The following GPATCH8 variants were observed in gnomAD, a reference collection of about 807,000 sequenced individuals.
GPATCH8 encodes the protein G patch domain-containing protein 8.
GPATCH8 carries 18 observed loss-of-function variants against 118.3 expected under a neutral mutation model. The observed-to-expected ratio is 0.15, with a 90% CI of 0.11 to 0.23. GPATCH8 has a LOEUF of 0.23. Among genes scored for constraint, GPATCH8 ranks in the 10% least tolerant of loss-of-function variants. GPATCH8 has a pLI of 1.00. For synonymous variants in GPATCH8, 659 were observed against 684.7 expected (o/e 0.96, Z 0.59); for missense variants, 1,631 against 1,873.8 (o/e 0.87, Z 2.39).
chr17:44,453,857 T>C (rs897688603), intron 3 of GPATCH8, among the ~76,000 whole-genome samples: 1 of 151,988 alleles, frequency 6.6e-6, no homozygotes, highest in African/African-American at 2.4e-5. Context: ...AAACTATTCC[T>C]GGAGACCTAG....
intron 1 of GPATCH8, among the ~76,000 whole-genome samples, chr17:44,492,297 C>CA (rs760386945): frequency 0.025 from 1,918 of 76,230 alleles, 139 homozygotes; most frequent in African/African-American, 0.078. Context: ...TGAGACGTCT[C>CA]AAAAAAAAAA....
intron 1 of GPATCH8, among the ~76,000 whole-genome samples, chr17:44,489,720 C>T (rs1453509653): frequency 2.0e-5 from 3 of 152,102 alleles, no homozygotes; most frequent in African/African-American, 7.2e-5. Context: ...CCCAAGGGCA[C>T]AACTATAATA....
chr17:44,470,666 C>A (rs998226469), intron 2 of GPATCH8, among the ~76,000 whole-genome samples: 1 of 152,146 alleles, frequency 6.6e-6, no homozygotes, highest in Non-Finnish European at 1.5e-5. Context: ...TGTGCCACCA[C>A]GTCTGGCTAC....
chr17:44,438,033 T>C (rs1362957156), intron 3 of GPATCH8, among the ~76,000 whole-genome samples: 2 of 148,618 alleles, frequency 1.3e-5, no homozygotes, highest in African/African-American at 5.0e-5. Context: ...AAAATGAAAA[T>C]GCATTACTAC....
At chr17:44,458,257 A>G (rs77228831) in intron 3 of GPATCH8, among the ~76,000 whole-genome samples, 17 of 133,472 alleles carry the variant, frequency 1.3e-4, no homozygotes, top group Admixed American at 1.3e-3. Flanking sequence ...TCTCAAAGGA[A>G]AAAAAAAAAA....
chr17:44,468,403 T>G (rs1414946138), intron 2 of GPATCH8, among the ~76,000 whole-genome samples: 5 of 67,444 alleles, frequency 7.4e-5, no homozygotes, highest in Admixed American at 1.7e-4. Context: ...TTTTTTTTTT[T>G]GTGAGACAGG....
chr17:44,439,772 A>G (rs1236451395), intron 3 of GPATCH8, among the ~76,000 whole-genome samples: 1 of 151,890 alleles, frequency 6.6e-6, no homozygotes, highest in East Asian at 1.9e-4. Context: ...TGTATTCTCT[A>G]GAAAACTCAA....
At chr17:44,477,309 C>G (rs1350850915) in intron 1 of GPATCH8, among the ~76,000 whole-genome samples, 2 of 152,140 alleles carry the variant, frequency 1.3e-5, no homozygotes. Context: ...CAATTAGGTG[C>G]TAAAATTGTG....
chr17:44,440,372 C>T (rs1360492156), intron 3 of GPATCH8, among the ~76,000 whole-genome samples: 1 of 152,142 alleles, frequency 6.6e-6, no homozygotes, highest in Non-Finnish European at 1.5e-5. Context: ...ACAACTGATA[C>T]TCATATTTTC....
chr17:44,489,763 G>A (rs1440825992), intron 1 of GPATCH8, among the ~76,000 whole-genome samples: 1 of 152,106 alleles, frequency 6.6e-6, no homozygotes, highest in South Asian at 2.1e-4. Flanking sequence ...TGATAGTAGT[G>A]GTGATATTTT....
intron 3 of GPATCH8, among the ~76,000 whole-genome samples, chr17:44,462,608 CAT>C (rs2051597591): frequency 6.6e-6 from 1 of 152,162 alleles, no homozygotes; most frequent in African/African-American, 2.4e-5. Context: ...TTCATTAAAA[CAT>C]ATTTATTGAG....
chr17:44,458,788 T>C (rs912012367), intron 3 of GPATCH8, among the ~76,000 whole-genome samples: 2 of 152,224 alleles, frequency 1.3e-5, no homozygotes, highest in African/African-American at 4.8e-5. Flanking sequence ...CCTCCCAAAG[T>C]CCTGGGATTA....
rs118151586 is a variant in GPATCH8 at position 44,399,208 on chromosome 17, G to A, written c.2869C>T (p.Arg957Trp). 1.6e-3 allele frequency: 2,650 copies of A among 1,613,776 alleles called. 8 individuals are homozygous for A. Among genetic ancestry groups the A allele is most frequent in the Middle Eastern group, 4.8e-3 (29 of 6,062 alleles). ...RSHTRERSRS[R>W]GRSRSSSCSR... Reference sequence around the variant, plus strand: ...CAACTGCTGCTGCGGCTGCGGCCCCGGGATCTTGAGCGCTCTCTGGTATGA... The same window carrying A: ...CAACTGCTGCTGCGGCTGCGGCCCCAGGATCTTGAGCGCTCTCTGGTATGA... Residue 957 changes from arginine to tryptophan, a missense_variant, in exon 8 of 8, where the codon CGG becomes TGG. Arg to Trp is a moderately radical substitution (Grantham distance 101). Around this residue, in one of 8 missense-constraint regions of GPATCH8, gnomAD observed 922 missense variants for 879.7 expected, o/e 1.05. Coordinates refer to ENST00000591680, the MANE Select transcript of GPATCH8 (RefSeq NM_001002909.4).
At chr17:44,420,635 T>C (rs1338553073) in intron 6 of GPATCH8, among the ~76,000 whole-genome samples, 1 of 152,170 alleles carries the variant, frequency 6.6e-6, no homozygotes, top group African/African-American at 2.4e-5. Context: ...AGAGCTGAGG[T>C]AACACAAGGT....
rs1329899395 is a variant in GPATCH8 at position 44,401,435 on chromosome 17, G to T, written c.642C>A (p.Pro214=). The change falls in exon 8 of 8, where the codon CCC becomes CCA. Residue 214 remains proline (P), a synonymous_variant. Coordinates refer to ENST00000591680, the MANE Select transcript of GPATCH8 (RefSeq NM_001002909.4). ...CAGCCACTGTGGTTGGTTTGAACAT[G>T]GGACCACTTCCAGGTGCACTACATG... ...KQAECAPGSG[P]MFKPTTVAVD... is the part of the protein sequence containing the mutation. 2 of 1,608,776 alleles carry T rather than the reference G, an allele frequency of 1.2e-6. No homozygotes were observed. The highest frequency in any genetic ancestry group is 2.7e-5 in the African/African-American group (2 of 74,764).
At chr17:44,436,250 T>G (rs1387925735) in intron 4 of GPATCH8, among the ~76,000 whole-genome samples, 1 of 152,082 alleles carries the variant, frequency 6.6e-6, no homozygotes, top group Non-Finnish European at 1.5e-5. Flanking sequence ...CCTCGGCAAA[T>G]CACTTAACTT....
At chr17:44,469,068 C>T (rs1220140424) in intron 2 of GPATCH8, among the ~76,000 whole-genome samples, 1 of 151,884 alleles carries the variant, frequency 6.6e-6, no homozygotes, top group Non-Finnish European at 1.5e-5. Flanking sequence ...ACCTAGATTA[C>T]CTCAGTTGGC....
At chr17:44,502,536 G>C (rs1414411919) in intron 1 of GPATCH8, among the ~76,000 whole-genome samples, 2 of 152,154 alleles carry the variant, frequency 1.3e-5, no homozygotes, top group African/African-American at 4.8e-5. Context: ...AATAGAGCTT[G>C]CCATCGTAAG....
Position 44,464,007 on chromosome 17 carries a change from T to G in GPATCH8, c.193+465A>C, listed in dbSNP as rs145206183. On this transcript the variant is annotated intron_variant, in intron 3 of 7. Transcript: ENST00000591680. ...TTTTCTTCTCTACCACTACATAAAT[T>G]TCTTATTGCAGAGCAAAAGAGCCAG... Among the ~76,000 whole-genome samples the G allele has an allele frequency of 3.5e-3, 536 of 152,282 alleles. 1 individual carries two copies. Among genetic ancestry groups the G allele is most frequent in the Non-Finnish European group, 4.8e-3 (329 of 68,024 alleles).
Sources: gnomAD v4.1 joint callset for allele counts (sites outside exome capture counted in the v4.1 genomes callset) on GRCh38, gnomAD v4.1.1 for gene constraint, gnomAD v4.1.1 regional missense constraint, MANE v1.5 for transcripts, NCBI Gene and HGNC (gene_info 2026-07-23, HGNC 2026-07-21) for gene names.